Variants in CCSER1 observed in about 807,000 individuals in gnomAD.
The protein encoded by CCSER1 is coiled-coil serine rich protein 1.
Under a neutral mutation model 82.0 loss-of-function variants are expected in CCSER1, and 41 were observed. The ratio of observed to expected loss-of-function variants is 0.50; its 90% CI spans 0.39 to 0.65. The LOEUF is 0.65. Ranked by LOEUF, CCSER1 falls within the 30% of genes least tolerant of loss-of-function variation. The pLI, the probability that CCSER1 is intolerant of heterozygous loss-of-function variation, is 0.00. For missense variants in CCSER1, 1,119 were observed against 1,064.2 expected, an observed-to-expected ratio of 1.05 and a Z score of -0.72; for synonymous variants, 414 against 383.9, an observed-to-expected ratio of 1.08 and a Z score of -0.92.
At chr4:90,180,181 A>G (rs1177102328) in intron 1 of CCSER1, among the ~76,000 whole-genome samples, 2 of 151,342 alleles carry the variant, frequency 1.3e-5, no homozygotes, top group Non-Finnish European at 2.9e-5. Flanking sequence ...TGGAGAAACG[A>G]TAACTAAAGA....
At chr4:91,441,375 G>T (rs1755128022) in intron 10 of CCSER1, among the ~76,000 whole-genome samples, 1 of 152,102 alleles carries the variant, frequency 6.6e-6, no homozygotes, top group Non-Finnish European at 1.5e-5. Flanking sequence ...AAAACCACAT[G>T]ATTATCTCAA....
intron 10 of CCSER1, among the ~76,000 whole-genome samples, chr4:91,295,901 CA>C (rs1744123087): frequency 1.3e-5 from 2 of 151,504 alleles, no homozygotes; most frequent in Non-Finnish European, 2.9e-5. Flanking sequence ...ATATTTTATG[CA>C]GAAAAAAATA....
chr4:90,855,398 A>G (rs1764346955), intron 8 of CCSER1, among the ~76,000 whole-genome samples: 1 of 152,168 alleles, frequency 6.6e-6, no homozygotes, highest in Non-Finnish European at 1.5e-5. Context: ...CTAGCTTTGG[A>G]AACTATTAAA....
intron 10 of CCSER1, among the ~76,000 whole-genome samples, chr4:91,434,718 G>T (rs1054277770): frequency 6.6e-6 from 1 of 151,982 alleles, no homozygotes; most frequent in Non-Finnish European, 1.5e-5. Context: ...ATATAATAGA[G>T]ACTAAGAGTA....
chr4:91,404,017 A>G lies in CCSER1; in HGVS notation c.2218-194555A>G, dbSNP rs187525336. On this transcript the variant is annotated intron_variant, in intron 10 of 10. Transcript: ENST00000509176. ...TCTGGTAGAATTTTGCTGTGAATCC[A>G]TCTGGTCCTGGACTTTTTTTGGTTG... Among the ~76,000 whole-genome samples the G allele has an allele frequency of 1.3e-4, 20 of 152,206 alleles. No homozygotes were observed. The East Asian group carries it at 3.9e-3, about 29-fold the overall frequency.
At chr4:91,340,804 C>T (rs1193767291) in intron 10 of CCSER1, among the ~76,000 whole-genome samples, 1 of 152,122 alleles carries the variant, frequency 6.6e-6, no homozygotes, top group Non-Finnish European at 1.5e-5. Flanking sequence ...TATCAATTCA[C>T]AGTGGGCACC....
chr4:90,306,811 T>C (rs993013954), intron 1 of CCSER1, among the ~76,000 whole-genome samples: 1 of 152,188 alleles, frequency 6.6e-6, no homozygotes, highest in African/African-American at 2.4e-5. Context: ...GGAGAGATCG[T>C]ATTACAGTTG....
chr4:90,685,496 A>G (rs1302330419), intron 6 of CCSER1, among the ~76,000 whole-genome samples: 2 of 152,150 alleles, frequency 1.3e-5, no homozygotes, highest in African/African-American at 2.4e-5. Context: ...GGTACCCAGC[A>G]TATAAACACA....
At chr4:90,531,243 C>T (rs773937938) in intron 5 of CCSER1, among the ~76,000 whole-genome samples, 4 of 151,750 alleles carry the variant, frequency 2.6e-5, no homozygotes, top group Non-Finnish European at 4.4e-5. Context: ...TCTAAATACT[C>T]TTTTCTCCCT....
At chr4:91,301,974 C>G (rs1295610759) in intron 10 of CCSER1, among the ~76,000 whole-genome samples, 3 of 136,274 alleles carry the variant, frequency 2.2e-5, no homozygotes, top group African/African-American at 8.1e-5. Flanking sequence ...TTCTTTCCTT[C>G]CTTCCTTCCT....
chr4:91,332,440 A>G (rs1210714752), intron 10 of CCSER1, among the ~76,000 whole-genome samples: 1 of 151,896 alleles, frequency 6.6e-6, no homozygotes, highest in Non-Finnish European at 1.5e-5. Flanking sequence ...AAATATAATA[A>G]TAAATACACT....
intron 9 of CCSER1, among the ~76,000 whole-genome samples, chr4:90,963,906 C>A (rs1462118710): frequency 6.6e-6 from 1 of 152,044 alleles, no homozygotes; most frequent in Non-Finnish European, 1.5e-5. Flanking sequence ...GTCAAATATT[C>A]TTTTTATTTT....
At chr4:90,809,012 G>A (rs891953855) in intron 7 of CCSER1, among the ~76,000 whole-genome samples, 3 of 152,144 alleles carry the variant, frequency 2.0e-5, no homozygotes, top group Non-Finnish European at 4.4e-5. Context: ...ACTGATAAAT[G>A]TATAAAGAAA....
At chr4:90,887,303 C>A (rs1274994229) in intron 8 of CCSER1, among the ~76,000 whole-genome samples, 1 of 151,986 alleles carries the variant, frequency 6.6e-6, no homozygotes, top group Non-Finnish European at 1.5e-5. Context: ...GAGAAAGATG[C>A]TGTATCTTTT....
At chr4:90,738,164 A>G (rs530107976) in intron 7 of CCSER1, among the ~76,000 whole-genome samples, 1 of 152,240 alleles carries the variant, frequency 6.6e-6, no homozygotes, top group South Asian at 2.1e-4. Flanking sequence ...GTGGATATTC[A>G]TCAGGGTCTG....
chr4:90,277,948 A>G (rs1279297546), intron 1 of CCSER1, among the ~76,000 whole-genome samples: 1 of 152,150 alleles, frequency 6.6e-6, no homozygotes, highest in African/African-American at 2.4e-5. Context: ...ACAAAGATCT[A>G]ATATCCAGAT....
At chr4:90,702,009 C>T (rs1738249956) in intron 6 of CCSER1, among the ~76,000 whole-genome samples, 2 of 152,014 alleles carry the variant, frequency 1.3e-5, no homozygotes, top group South Asian at 2.1e-4. Context: ...TCCAACGCTA[C>T]ATTGAATAGG....
chr4:90,902,328 A>G (rs1258284623), intron 8 of CCSER1, among the ~76,000 whole-genome samples: 4 of 152,000 alleles, frequency 2.6e-5, no homozygotes, highest in African/African-American at 9.7e-5. Flanking sequence ...ATTGCTAGAT[A>G]GCTAGTATGA....
At chr4:90,447,056 G>C (rs1478539221) in intron 4 of CCSER1, among the ~76,000 whole-genome samples, 1 of 152,122 alleles carries the variant, frequency 6.6e-6, no homozygotes, top group Non-Finnish European at 1.5e-5. Flanking sequence ...TAGGTTATTA[G>C]TAGTTAAATT....
Sources: allele counts gnomAD v4.1 joint callset (sites outside exome capture counted in the v4.1 genomes callset), GRCh38; gene constraint gnomAD v4.1.1; transcripts MANE v1.5; gene names NCBI Gene and HGNC (gene_info 2026-07-23, HGNC 2026-07-21).